The following BLOC1S6 variants were observed in gnomAD, a reference collection of about 807,000 sequenced individuals.
BLOC1S6 encodes the protein biogenesis of lysosomal organelles complex 1 subunit 6.
Under a neutral mutation model 24.7 loss-of-function variants are expected in BLOC1S6, and 24 were observed. That is an observed-to-expected ratio of 0.97 (90% CI 0.70 to 1.37). The LOEUF (loss-of-function observed/expected upper bound fraction) is 1.37. Among genes scored for constraint, BLOC1S6 ranks in the 40% most tolerant of loss-of-function variants. BLOC1S6 has a pLI of 0.00. For missense variants in BLOC1S6, 175 were observed against 196.2 expected, an observed-to-expected ratio of 0.89 and a Z score of 0.64; for synonymous variants, 76 against 72.6, an observed-to-expected ratio of 1.05 and a Z score of -0.23.
rs1414677297 is a variant in BLOC1S6 at position 45,606,545 on chromosome 15, T to C, written c.*31T>C. 3 of 1,613,972 alleles carry C rather than the reference T, an allele frequency of 1.9e-6. No individual in the cohort carries two copies. In the African/African-American group the frequency reaches 4.0e-5, roughly 22 times the overall value. On this transcript the variant is annotated 3_prime_UTR_variant, in exon 5 of 5. Coordinates refer to ENST00000220531, the MANE Select transcript of BLOC1S6 (RefSeq NM_012388.4). ...TGTGTTTGTGTGTTTTCTTCTCCTG[T>C]CCCATATTTGGGTTATGATGACTCA... is the stretch of plus-strand genomic sequence containing the variant.
At chr15:45,605,356 A>G in intron 3 of BLOC1S6, 72 bp from the exon 4 acceptor site, 1 of 1,216,128 alleles carries the variant, frequency 8.2e-7, no homozygotes, top group South Asian at 1.3e-5. Context: ...TCATTTATAT[A>G]TTGCCTTATT....
Position 45,600,759 on chromosome 15 carries a change from A to G in BLOC1S6, c.225-2341A>G, listed in dbSNP as rs375545947. ...ATGTTCATGAGAGATACTGGTCTATAGTTTTTCTTTCTTGTAATATCTTTA... is the reference window on the plus strand; with the variant it reads ...ATGTTCATGAGAGATACTGGTCTATGGTTTTTCTTTCTTGTAATATCTTTA... On this transcript the variant is annotated intron_variant, in intron 2 of 4. Coordinates refer to ENST00000220531, the MANE Select transcript of BLOC1S6 (RefSeq NM_012388.4). 6.6e-5 allele frequency among the ~76,000 whole-genome samples: 10 copies of G among 152,262 alleles called. No individual in the cohort carries two copies. In the East Asian group the frequency reaches 1.9e-3, roughly 29 times the overall value.
chr15:45,606,118 T>A (rs1894447772), intron 4 of BLOC1S6, among the ~76,000 whole-genome samples: 1 of 151,270 alleles, frequency 6.6e-6, no homozygotes, highest in Non-Finnish European at 1.5e-5. Flanking sequence ...AAAAATATCA[T>A]TTTTTTTTCA....
chr15:45,596,434 G>A (rs1045068372), intron 2 of BLOC1S6, among the ~76,000 whole-genome samples: 34 of 152,018 alleles, frequency 2.2e-4, no homozygotes, highest in African/African-American at 8.0e-4. Context: ...CTAGGCTCAA[G>A]TGATCCTCCT....
intron 2 of BLOC1S6, among the ~76,000 whole-genome samples, chr15:45,596,537 C>T (rs1029973734): frequency 2.6e-5 from 4 of 152,104 alleles, no homozygotes; most frequent in Admixed American, 6.6e-5. Context: ...CACTGCATTA[C>T]CTTTGCACCT....
In BLOC1S6 at chr15:45,587,402, G is replaced by A. The variant is rs1169620321; in HGVS notation, c.-42G>A. On this transcript the variant is annotated 5_prime_UTR_variant, in exon 1 of 5. Transcript: ENST00000220531. The stretch of plus-strand genomic sequence containing the variant: ...TTAGGTGCCGCCTTGCTTCTGACGA[G>A]CCACACGTTTGCTTCTTCCCTGTGT... 2 of 1,529,024 alleles carry A rather than the reference G, an allele frequency of 1.3e-6. No individual in the cohort carries two copies. The highest frequency in any genetic ancestry group is 2.7e-5 in the African/African-American group (2 of 72,810). 94.7% of individuals were successfully genotyped at this position (1,529,024 alleles called of 1,614,324 possible).
At chr15:45,603,866 A>G (rs915742284) in intron 3 of BLOC1S6, among the ~76,000 whole-genome samples, 5 of 152,210 alleles carry the variant, frequency 3.3e-5, no homozygotes, top group Admixed American at 6.5e-5. Flanking sequence ...TCATAATGCT[A>G]TAATAAATTA....
At chr15:45,596,515 C>T (rs1595555471) in intron 2 of BLOC1S6, among the ~76,000 whole-genome samples, 1 of 151,958 alleles carries the variant, frequency 6.6e-6, no homozygotes, top group East Asian at 2.0e-4. Context: ...GTTGAAAAAA[C>T]TATCCTTTCT....
At chr15:45,589,678 A>G (rs1418895040) in intron 1 of BLOC1S6, among the ~76,000 whole-genome samples, 2 of 152,216 alleles carry the variant, frequency 1.3e-5, no homozygotes, top group Non-Finnish European at 2.9e-5. Flanking sequence ...CCTGGTACAT[A>G]ATATAGATGT....
rs1032799465 is a variant in BLOC1S6 at position 45,606,665 on chromosome 15, A to G, written c.*151A>G. On this transcript the variant is annotated 3_prime_UTR_variant, in exon 5 of 5. Coordinates refer to ENST00000220531, the MANE Select transcript of BLOC1S6 (RefSeq NM_012388.4). ...ACTGTGTCTCCATGCCTTTTTTCCA[A>G]GTAGCAGACGTCATGTTGCATGGTT... 9.5e-7 allele frequency: 1 copy of G among 1,056,912 alleles called. No homozygotes were observed. Among genetic ancestry groups the G allele is most frequent in the Admixed American group, 2.0e-5 (1 of 50,148 alleles). The allele number at this position is 1,056,912 out of a possible 1,614,324, so 65.5% of individuals were successfully genotyped here. A position where few individuals can be genotyped will look rare whatever the true frequency, so the allele number is the denominator to read the frequency against.
intron 1 of BLOC1S6, among the ~76,000 whole-genome samples, chr15:45,588,280 G>C (rs1255743043): frequency 1.3e-5 from 2 of 152,144 alleles, no homozygotes; most frequent in African/African-American, 4.8e-5. Context: ...TCATTAAGTC[G>C]CTTCTATAAA....
chr15:45,597,389 G>C (rs1011781265), intron 2 of BLOC1S6, among the ~76,000 whole-genome samples: 2 of 152,108 alleles, frequency 1.3e-5, no homozygotes, highest in African/African-American at 4.8e-5. Context: ...TGAGGCAGGG[G>C]ATCCCTTGAA....
Position 45,607,810 on chromosome 15 carries a change from T to G in BLOC1S6, c.*1296T>G, listed in dbSNP as rs1894532251. 1 of 152,302 alleles carries G rather than the reference T, an allele frequency of 6.6e-6. No individual in the cohort carries two copies. The highest frequency in any genetic ancestry group is 6.5e-5 in the Admixed American group (1 of 15,300). 9.4% of individuals were successfully genotyped at this position (152,302 alleles called of 1,614,324 possible). On this transcript the variant is annotated 3_prime_UTR_variant, in exon 5 of 5. Transcript: ENST00000220531. ...AAAAAAATTTCTTGAAGTGGAATGA[T>G]GTACACCAAATACCCACTTTATAGA...
At position 45,587,515 on chromosome 15, in the gene BLOC1S6, G is replaced by A. The variant is rs768535324; in HGVS notation, c.72G>A (p.Glu24=). The A allele has an allele frequency of 8.0e-5, 126 of 1,574,516 alleles. No individual in the cohort carries two copies. Among genetic ancestry groups the A allele is most frequent in the Non-Finnish European group, 1.0e-4 (121 of 1,160,534 alleles). Residue 24 remains glutamate (E), a synonymous_variant, in exon 1 of 5, where the codon GAG becomes GAA. Transcript: ENST00000220531. ...CACCCTACTGCCTGGAGGCCGGGGA[G>A]CCGACGCCTGGTACGTACTATCGGG... ...TRPPYCLEAG[E]PTPGLSDTSP...
In BLOC1S6 at chr15:45,609,587, T is replaced by C. The variant is rs577843179; in HGVS notation, c.*3073T>C. 11 of 152,294 alleles carry C rather than the reference T, an allele frequency of 7.2e-5. No individual in the cohort carries two copies. Among genetic ancestry groups the C allele is most frequent in the South Asian group, 4.1e-4 (2 of 4,830 alleles). 9.4% of individuals were successfully genotyped at this position (152,294 alleles called of 1,614,324 possible). On this transcript the variant is annotated 3_prime_UTR_variant, in exon 5 of 5. Coordinates refer to ENST00000220531, the MANE Select transcript of BLOC1S6 (RefSeq NM_012388.4). ...GAATGTAATATAGATTGTGTCCTCA[T>C]TGAGTTTTTGGGTGATACAGTTTAT...
rs565342567 is a variant in BLOC1S6 at position 45,595,879 on chromosome 15, C to T, written c.224+3603C>T. On this transcript the variant is annotated intron_variant, in intron 2 of 4. Coordinates refer to ENST00000220531, the MANE Select transcript of BLOC1S6 (RefSeq NM_012388.4). ...CTGTAGTGCAATGGCACGATCTCGG[C>T]TCACCACAACGTCTGCCTCCTGGGT... 2.0e-5 allele frequency among the ~76,000 whole-genome samples: 3 copies of T among 152,268 alleles called. No homozygotes were observed. In the South Asian group the frequency reaches 6.2e-4, roughly 32 times the overall value.
Position 45,607,638 on chromosome 15 carries a change from G to T in BLOC1S6, c.*1124G>T, listed in dbSNP as rs111954968. On this transcript the variant is annotated 3_prime_UTR_variant, in exon 5 of 5. Coordinates refer to ENST00000220531, the MANE Select transcript of BLOC1S6 (RefSeq NM_012388.4). ...AAATACAAAAATTAGCTGGGTGTGG[G>T]GGCGTGCGCCTGTAGTCCCAGCTAC... 14,490 of 152,096 alleles carry T rather than the reference G, an allele frequency of 0.095. 2,368 individuals are homozygous for T. Among genetic ancestry groups the T allele is most frequent in the African/African-American group, 0.33 (13,832 of 41,396 alleles). The allele number at this position is 152,096 out of a possible 1,614,324, so 9.4% of individuals were successfully genotyped here.
chr15:45,591,576 G>A (rs1473325781), intron 1 of BLOC1S6, among the ~76,000 whole-genome samples: 1 of 151,990 alleles, frequency 6.6e-6, no homozygotes, highest in Admixed American at 6.6e-5. Context: ...GGGACCACAG[G>A]TGTGTGCCAC....
At chr15:45,602,580 A>G (rs540721805) in intron 2 of BLOC1S6, among the ~76,000 whole-genome samples, 2 of 152,234 alleles carry the variant, frequency 1.3e-5, no homozygotes, top group Non-Finnish European at 2.9e-5. Flanking sequence ...TTCTAAGATC[A>G]TATAGCTAAC....
Sources: gnomAD v4.1 joint callset for allele counts (sites outside exome capture counted in the v4.1 genomes callset) on GRCh38, gnomAD v4.1.1 for gene constraint, MANE v1.5 for transcripts, NCBI Gene and HGNC (gene_info 2026-07-23, HGNC 2026-07-21) for gene names.